AKAP6: variants seen among roughly 807,000 people sequenced by gnomAD.
AKAP6 encodes A-kinase anchor protein 6.
AKAP6 carries 58 observed loss-of-function variants against 188.5 expected under a neutral mutation model. The observed-to-expected ratio is 0.31, with a 90% CI of 0.25 to 0.38. The LOEUF (loss-of-function observed/expected upper bound fraction) is 0.38, where lower values mean the gene tolerates loss of function less well. Among genes scored for constraint, AKAP6 ranks in the 10% least tolerant of loss-of-function variants. AKAP6 has a pLI of 1.00. For synonymous variants in AKAP6, 989 were observed against 998.6 expected (o/e 0.99, Z 0.18); for missense variants, 2,710 against 2,740.0 (o/e 0.99, Z 0.24).
chr14:32,624,577 G>A (rs557938359), intron 7 of AKAP6, among the ~76,000 whole-genome samples: 4 of 152,188 alleles, frequency 2.6e-5, no homozygotes, highest in South Asian at 4.2e-4. Flanking sequence ...AAGAGTCAGA[G>A]CATTTTATAT....
intron 11 of AKAP6, among the ~76,000 whole-genome samples, chr14:32,740,025 C>G (rs1010916033): frequency 6.6e-6 from 1 of 152,082 alleles, no homozygotes; most frequent in Non-Finnish European, 1.5e-5. Context: ...TCCACATCCT[C>G]GCCAGCATTT....
chr14:32,763,897 A>G (rs1051917923), intron 11 of AKAP6, among the ~76,000 whole-genome samples: 6 of 152,106 alleles, frequency 3.9e-5, no homozygotes, highest in African/African-American at 1.2e-4. Flanking sequence ...TTCATACTTC[A>G]TTTGAGGTAT....
At chr14:32,782,179 A>AGGGAGGGAGGG in intron 12 of AKAP6, among the ~76,000 whole-genome samples, 1 of 132,902 alleles carries the variant, frequency 7.5e-6, no homozygotes, top group African/African-American at 2.9e-5. Flanking sequence ...AAAGGAAAGA[A>AGGGAGGGAGGG]AGGAAGGGAG....
intron 1 of AKAP6, among the ~76,000 whole-genome samples, chr14:32,380,255 T>A (rs1046811541): frequency 6.6e-6 from 1 of 152,218 alleles, no homozygotes; most frequent in African/African-American, 2.4e-5. Context: ...GCTTCCCTAG[T>A]GTCTTCAGGC....
chr14:32,703,387 T>C (rs1464038419), intron 9 of AKAP6, among the ~76,000 whole-genome samples: 2 of 152,208 alleles, frequency 1.3e-5, no homozygotes, highest in African/African-American at 2.4e-5. Context: ...AGTGTGCTCC[T>C]AGAAAACTGT....
chr14:32,626,195 A>G (rs1009778893), intron 7 of AKAP6, among the ~76,000 whole-genome samples: 1 of 152,080 alleles, frequency 6.6e-6, no homozygotes, highest in African/African-American at 2.4e-5. Flanking sequence ...GAATCATTGC[A>G]TCGCAAATAA....
chr14:32,738,588 G>A (rs1226775947), intron 11 of AKAP6, among the ~76,000 whole-genome samples: 1 of 152,110 alleles, frequency 6.6e-6, no homozygotes, highest in Non-Finnish European at 1.5e-5. Context: ...CTTCTTATAT[G>A]TGTGGGTATT....
chr14:32,788,727 C>T (rs367923185), intron 12 of AKAP6, among the ~76,000 whole-genome samples: 7 of 152,134 alleles, frequency 4.6e-5, no homozygotes, highest in East Asian at 1.9e-4. Flanking sequence ...AGCTGTGTGG[C>T]GTCTCAGCAA....
At chr14:32,472,143 G>A (rs1160986333) in intron 2 of AKAP6, among the ~76,000 whole-genome samples, 1 of 152,134 alleles carries the variant, frequency 6.6e-6, no homozygotes, top group Admixed American at 6.5e-5. Context: ...ACCAGAGAGA[G>A]GAGTTGAACT....
chr14:32,770,561 C>A (rs900749785), intron 11 of AKAP6, among the ~76,000 whole-genome samples: 1 of 152,200 alleles, frequency 6.6e-6, no homozygotes, highest in South Asian at 2.1e-4. Flanking sequence ...AGCTGCTTCA[C>A]TGTCTCTCCC....
chr14:32,609,156 T>C (rs908240229), intron 7 of AKAP6, among the ~76,000 whole-genome samples: 1 of 152,110 alleles, frequency 6.6e-6, no homozygotes, highest in Non-Finnish European at 1.5e-5. Flanking sequence ...AGCTTTCAAA[T>C]GTACACACAC....
At chr14:32,577,789 A>G (rs1273333111) in intron 5 of AKAP6, among the ~76,000 whole-genome samples, 1 of 152,106 alleles carries the variant, frequency 6.6e-6, no homozygotes, top group Admixed American at 6.6e-5. Flanking sequence ...AAAACCATGG[A>G]GGGGAAGTGG....
At chr14:32,573,677 ATGAC>A (rs1884592095) in intron 4 of AKAP6, among the ~76,000 whole-genome samples, 1 of 152,222 alleles carries the variant, frequency 6.6e-6, no homozygotes, top group Non-Finnish European at 1.5e-5. Flanking sequence ...GAAAAAATAA[ATGAC>A]CAATATTTGT....
chr14:32,735,628 T>C (rs531202740), intron 10 of AKAP6, 30 bp from the exon 11 acceptor site: 2 of 1,489,144 alleles, frequency 1.3e-6, no homozygotes, highest in African/African-American at 1.4e-5. Flanking sequence ...TTGTTTGTTT[T>C]ATTTTTTGTT....
intron 3 of AKAP6, among the ~76,000 whole-genome samples, chr14:32,540,291 C>T (rs529002910): frequency 7.1e-4 from 107 of 150,866 alleles, no homozygotes; most frequent in African/African-American, 2.5e-3. Flanking sequence ...TTCTGCCTCC[C>T]GGGTTCAAGC....
chr14:32,355,227 A>T (rs977899271), intron 1 of AKAP6, among the ~76,000 whole-genome samples: 1 of 151,054 alleles, frequency 6.6e-6, no homozygotes, highest in Non-Finnish European at 1.5e-5. Context: ...AAACATTTCA[A>T]TACTTACATA....
At chr14:32,612,158 C>G (rs1423386068) in intron 7 of AKAP6, among the ~76,000 whole-genome samples, 1 of 152,060 alleles carries the variant, frequency 6.6e-6, no homozygotes, top group Non-Finnish European at 1.5e-5. Flanking sequence ...CTGTTTGTAC[C>G]TTACATTTGG....
intron 2 of AKAP6, among the ~76,000 whole-genome samples, chr14:32,435,979 T>G (rs1488361126): frequency 6.6e-6 from 1 of 152,234 alleles, no homozygotes; most frequent in Non-Finnish European, 1.5e-5. Context: ...ATATCACTTT[T>G]TCTGATTTCC....
At chr14:32,556,233 T>A (rs1883681270) in intron 4 of AKAP6, among the ~76,000 whole-genome samples, 1 of 152,242 alleles carries the variant, frequency 6.6e-6, no homozygotes, top group African/African-American at 2.4e-5. Context: ...TTCCATATAC[T>A]TGTTGGCTAT....
Sources: allele counts gnomAD v4.1 joint callset (sites outside exome capture counted in the v4.1 genomes callset), GRCh38; gene constraint gnomAD v4.1.1; transcripts MANE v1.5; gene names NCBI Gene and HGNC (gene_info 2026-07-23, HGNC 2026-07-21).